The following CCDC150 variants were observed in gnomAD, a reference collection of about 807,000 sequenced individuals.
CCDC150 encodes coiled-coil domain containing 150, also known as coiled-coil domain-containing protein 150.
Under a neutral mutation model 156.5 loss-of-function variants are expected in CCDC150, and 151 were observed. The observed-to-expected ratio is 0.97, with a 90% confidence interval of 0.85 to 1.10. CCDC150 has a LOEUF of 1.10. CCDC150 is among the 50% of genes least tolerant of loss of function. CCDC150 has a pLI of 0.00. For missense variants in CCDC150, 1,312 were observed against 1,268.1 expected (o/e 1.03, Z -0.53); for synonymous variants, 452 against 429.4 (o/e 1.05, Z -0.65).
intron 6 of CCDC150, among the ~76,000 whole-genome samples, chr2:196,666,095 C>T (rs1055709154): frequency 3.3e-5 from 5 of 152,174 alleles, no homozygotes; most frequent in African/African-American, 1.2e-4. Context: ...CTAAAGCGAT[C>T]TAACACTGGA....
chr2:196,697,946 A>C (rs570426723), intron 14 of CCDC150, among the ~76,000 whole-genome samples: 5 of 152,188 alleles, frequency 3.3e-5, no homozygotes, highest in Middle Eastern at 3.4e-3. Context: ...TGTGTTTCTG[A>C]GTTAAAATGG....
intron 21 of CCDC150, 98 bp from the exon 22 acceptor site, chr2:196,725,875 C>T: frequency 1.8e-6 from 2 of 1,133,770 alleles, no homozygotes; most frequent in Non-Finnish European, 2.5e-6. Flanking sequence ...GTTTATAAAT[C>T]ACACACCTTT....
intron 13 of CCDC150, among the ~76,000 whole-genome samples, chr2:196,685,696 C>T (rs561390693): frequency 4.0e-4 from 61 of 151,882 alleles, no homozygotes; most frequent in Non-Finnish European, 6.3e-4. Context: ...ACTGCAAGCT[C>T]CACCTCCCGG....
chr2:196,705,022 T>C (rs1696517394), intron 15 of CCDC150, among the ~76,000 whole-genome samples: 1 of 152,230 alleles, frequency 6.6e-6, no homozygotes, highest in African/African-American at 2.4e-5. Context: ...TACATGTGCA[T>C]GTGTCTTTAT....
At chr2:196,712,406 C>A in intron 16 of CCDC150, 154 bp downstream of exon 16, 1 of 563,744 alleles carries the variant, frequency 1.8e-6, no homozygotes, top group Non-Finnish European at 3.2e-6. Flanking sequence ...GCACCTAGTA[C>A]ATACAAGGTT....
chr2:196,691,634 A>AT (rs145909785), intron 13 of CCDC150, among the ~76,000 whole-genome samples: 24 of 145,458 alleles, frequency 1.6e-4, no homozygotes, highest in South Asian at 4.3e-4. Flanking sequence ...AAGTCTATCT[A>AT]TTTTTTTTTT....
At chr2:196,721,369 T>TATATATATATATATATATATA (rs1559276170) in intron 20 of CCDC150, among the ~76,000 whole-genome samples, 153 bp from the exon 21 acceptor site, 2 of 141,714 alleles carry the variant, frequency 1.4e-5, no homozygotes, top group Non-Finnish European at 3.1e-5. Flanking sequence ...TATATATATA[T>TATATATATATATATATATATA]TTTCCAGGCA....
Position 196,657,042 on chromosome 2 carries a change from G to T in CCDC150, c.482G>T (p.Arg161Leu). 1 of 1,613,702 alleles carries T rather than the reference G, an allele frequency of 6.2e-7. No individual in the cohort carries two copies. The stretch of plus-strand genomic sequence containing the variant: ...TTGCATCTCGAAGTTATGAATTTGC[G>T]CCAGCAACTGAGAGCTGTAAAAGAG... Reference protein sequence around the residue: ...KLLHLEVMNLRQQLRAVKEEE... With the variant: ...KLLHLEVMNLLQQLRAVKEEE... Residue 161 changes from arginine to leucine, a missense_variant, in exon 4 of 28, where the codon CGC becomes CTC. Transcript: ENST00000389175.
At chr2:196,678,245 A>G (rs540252991) in intron 13 of CCDC150, among the ~76,000 whole-genome samples, 1 of 152,360 alleles carries the variant, frequency 6.6e-6, no homozygotes, top group East Asian at 1.9e-4. Context: ...TTATTAGCTT[A>G]CTTAGACAAG....
intron 10 of CCDC150, among the ~76,000 whole-genome samples, chr2:196,674,952 G>A (rs1317018904): frequency 6.6e-6 from 1 of 152,084 alleles, no homozygotes; most frequent in Admixed American, 6.5e-5. Context: ...TTATGTAAAA[G>A]GATATTTATT....
rs1697190981 is a variant in CCDC150, at chr2:196,712,407, A to G, written c.1803+155A>G. The G allele has an allele frequency of 2.4e-5, 14 of 572,640 alleles. No individual in the cohort carries two copies. The South Asian group carries it at 3.1e-4, about 13-fold the overall frequency. 35.5% of individuals were successfully genotyped at this position (572,640 alleles called of 1,614,324 possible). ...AAACTTTTTTTCAAGCACCTAGTAC[A>G]TACAAGGTTCTGCTAAAGCCTCAGA... On this transcript the variant is annotated intron_variant, in intron 16 of 27. Transcript: ENST00000389175.
intron 8 of CCDC150, among the ~76,000 whole-genome samples, chr2:196,671,631 G>C (rs1277480888): frequency 6.6e-6 from 1 of 151,864 alleles, no homozygotes; most frequent in African/African-American, 2.4e-5. Flanking sequence ...GTTTCAGCAT[G>C]TTAGCCAGCT....
rs771826791 is a variant in CCDC150 at position 196,732,608 on chromosome 2, T to C, written c.*46T>C. The C allele has an allele frequency of 7.7e-7, 1 of 1,292,288 alleles. No individual in the cohort carries two copies. The highest frequency in any genetic ancestry group is 1.7e-5 in the Admixed American group (1 of 59,352). 80.1% of individuals were successfully genotyped at this position (1,292,288 alleles called of 1,614,324 possible). A position where few individuals can be genotyped will look rare whatever the true frequency, so the allele number is the denominator to read the frequency against. ...CTTTATGTGTAGCTACACTCCATGA[T>C]TCCAAGAGCCCAGCAGCCGGGGCTG... On this transcript the variant is annotated 3_prime_UTR_variant, in exon 28 of 28. Transcript: ENST00000389175.
chr2:196,722,910 A>T (rs1025977623), intron 21 of CCDC150, among the ~76,000 whole-genome samples: 1 of 152,204 alleles, frequency 6.6e-6, no homozygotes, highest in Non-Finnish European at 1.5e-5. Context: ...CATTTACAGG[A>T]AAAGGATGAG....
intron 17 of CCDC150, 125 bp from the exon 18 acceptor site, chr2:196,718,378 G>A (rs1697666309): frequency 3.1e-6 from 2 of 648,412 alleles, no homozygotes; most frequent in African/African-American, 1.8e-5. Context: ...AGCTAATAAA[G>A]ATGGGTTCTA....
chr2:196,673,186 A>C (rs1011203619), intron 9 of CCDC150, among the ~76,000 whole-genome samples: 5 of 152,236 alleles, frequency 3.3e-5, no homozygotes, highest in African/African-American at 1.2e-4. Flanking sequence ...CATTCCAGGC[A>C]CAATTCCAGG....
At chr2:196,686,379 A>G (rs1259464687) in intron 13 of CCDC150, 1 of 152,656 alleles carries the variant, frequency 6.6e-6, no homozygotes, top group Non-Finnish European at 1.5e-5. Context: ...GAGTCCTCCA[A>G]CGGTGTTATT....
At chr2:196,689,275 T>G (rs1695298485) in intron 13 of CCDC150, among the ~76,000 whole-genome samples, 1 of 152,210 alleles carries the variant, frequency 6.6e-6, no homozygotes, top group Admixed American at 6.5e-5. Context: ...TTTCCAATTC[T>G]GTGAGGAAAG....
chr2:196,716,971 G>A lies in CCDC150; in HGVS notation c.1867-1532G>A, dbSNP rs151258133. Among the ~76,000 whole-genome samples, 1,377 of 148,040 alleles carry A rather than the reference G, an allele frequency of 9.3e-3. 10 individuals carry two copies. Among genetic ancestry groups the A allele is most frequent in the South Asian group, 0.015 (70 of 4,714 alleles). On this transcript the variant is annotated intron_variant, in intron 17 of 27. Transcript: ENST00000389175. The stretch of plus-strand genomic sequence containing the variant: ...TGCCTCCTGGGTTCAAGCGATTCTC[G>A]TGCCTCAGCCTCCCAAGTGGCTGGA...
Sources: gnomAD v4.1 joint callset for allele counts (sites outside exome capture counted in the v4.1 genomes callset) on GRCh38, gnomAD v4.1.1 for gene constraint, MANE v1.5 for transcripts, NCBI Gene and HGNC (gene_info 2026-07-23, HGNC 2026-07-21) for gene names.